Variants in CNBD1 observed in about 807,000 individuals in gnomAD.
CNBD1 encodes cyclic nucleotide binding domain containing 1.
CNBD1 carries 71 observed loss-of-function variants against 54.4 expected under a neutral mutation model. The observed-to-expected ratio is 1.30, with a 90% CI of 1.08 to 1.59. The LOEUF is 1.59. Among genes scored for constraint, CNBD1 ranks in the 40% most tolerant of loss-of-function variants. The probability of loss-of-function intolerance (pLI) is 0.00; values close to 1 mark genes in which losing one functional copy is unlikely to be tolerated. For synonymous variants in CNBD1, 182 were observed against 170.7 expected (o/e 1.07, Z -0.51); for missense variants, 659 against 518.0 (o/e 1.27, Z -2.64).
chr8:86,955,744 G>T (rs984156372), intron 4 of CNBD1, among the ~76,000 whole-genome samples: 1 of 152,158 alleles, frequency 6.6e-6, no homozygotes, highest in African/African-American at 2.4e-5. Flanking sequence ...TTTGTCAGAT[G>T]GGTAGTTTGT....
At chr8:87,044,430 G>T (rs899250281) in intron 4 of CNBD1, 2 of 152,052 alleles carry the variant, frequency 1.3e-5, no homozygotes, top group South Asian at 4.1e-4. Flanking sequence ...TCTCATGACC[G>T]AGAATATTAA....
intron 4 of CNBD1, among the ~76,000 whole-genome samples, chr8:87,105,164 G>A (rs1406329167): frequency 6.6e-6 from 1 of 151,904 alleles, no homozygotes; most frequent in Non-Finnish European, 1.5e-5. Flanking sequence ...ACAGGGTTTT[G>A]GCTATATCAA....
intron 2 of CNBD1, among the ~76,000 whole-genome samples, chr8:87,426,028 T>C (rs1586096314): frequency 6.6e-6 from 1 of 152,228 alleles, no homozygotes; most frequent in East Asian, 1.9e-4. Flanking sequence ...TGGTGCACCG[T>C]TTTTTAAGCC....
At chr8:86,933,755 T>C (rs980454860) in intron 3 of CNBD1, among the ~76,000 whole-genome samples, 1 of 152,132 alleles carries the variant, frequency 6.6e-6, no homozygotes, top group Non-Finnish European at 1.5e-5. Context: ...ATATTATGAA[T>C]ATTCTTTTTT....
chr8:87,394,344 C>G (rs1011052513), intron 2 of CNBD1, among the ~76,000 whole-genome samples: 9 of 151,910 alleles, frequency 5.9e-5, no homozygotes, highest in Non-Finnish European at 1.2e-4. Context: ...AATAGTTCAA[C>G]TTCACATATA....
intron 6 of CNBD1, among the ~76,000 whole-genome samples, chr8:87,255,986 TATATATATATATATATATATATATATATA>T (rs1475126236): frequency 9.4e-5 from 1 of 10,590 alleles, no homozygotes; most frequent in African/African-American, 4.4e-4. Flanking sequence ...TATATATATA[TATATATATATATATATATATATATATATA>T]TTTTTTTTTT....
chr8:87,352,882 G>T (rs189196160), intron 9 of CNBD1, among the ~76,000 whole-genome samples: 1 of 152,116 alleles, frequency 6.6e-6, no homozygotes, highest in Non-Finnish European at 1.5e-5. Flanking sequence ...AAATATTCAA[G>T]TTATATTGGA....
chr8:86,927,492 G>C (rs746158910), intron 3 of CNBD1, among the ~76,000 whole-genome samples: 7 of 152,112 alleles, frequency 4.6e-5, no homozygotes, highest in Admixed American at 3.9e-4. Context: ...ACTATGATCA[G>C]TTGGGGCTTG....
chr8:87,200,907 A>T (rs1305467855), intron 4 of CNBD1, among the ~76,000 whole-genome samples: 1 of 152,188 alleles, frequency 6.6e-6, no homozygotes, highest in Non-Finnish European at 1.5e-5. Flanking sequence ...CGTTCTATGA[A>T]GCTAGCCTGA....
At chr8:87,319,783 C>A (rs917155039) in intron 8 of CNBD1, among the ~76,000 whole-genome samples, 3 of 151,904 alleles carry the variant, frequency 2.0e-5, no homozygotes, top group Non-Finnish European at 2.9e-5. Context: ...TTTGAATTAA[C>A]CATTCAAAAA....
intron 4 of CNBD1, among the ~76,000 whole-genome samples, chr8:86,943,897 C>G (rs906110093): frequency 3.3e-5 from 5 of 152,024 alleles, no homozygotes; most frequent in African/African-American, 4.8e-5. Context: ...GATACAAACT[C>G]TAAGGCAACT....
intron 2 of CNBD1, among the ~76,000 whole-genome samples, chr8:86,902,070 A>G (rs1265120615): frequency 6.6e-6 from 1 of 152,188 alleles, no homozygotes; most frequent in African/African-American, 2.4e-5. Context: ...TTCCTTATCC[A>G]TAAAATGACA....
rs114555999 is a variant in CNBD1, at chr8:87,311,853, C to T, written c.1042+25182C>T. 6.8e-3 allele frequency among the ~76,000 whole-genome samples: 1,037 copies of T among 152,104 alleles called. 11 individuals carry two copies. The highest frequency in any genetic ancestry group is 0.024 in the African/African-American group (978 of 41,506). On this transcript the variant is annotated intron_variant, in intron 8 of 10. Transcript: ENST00000518476. ...TGCAAATTAACACAGGAACTGAAAC[C>T]AAATACTGCATGTTCTCACTTGTAA... is the stretch of plus-strand genomic sequence containing the variant.
At chr8:87,411,449 A>G (rs1486077145) in intron 2 of CNBD1, among the ~76,000 whole-genome samples, 4 of 120,424 alleles carry the variant, frequency 3.3e-5, no homozygotes, top group African/African-American at 1.3e-4. Flanking sequence ...ATATTTTTAA[A>G]AACTCATTCT....
intron 10 of CNBD1, among the ~76,000 whole-genome samples, chr8:87,373,580 T>C (rs752721259): frequency 6.6e-6 from 1 of 151,860 alleles, no homozygotes; most frequent in African/African-American, 2.4e-5. Flanking sequence ...TGTAAAGTTG[T>C]AGGTTGTATA....
intron 2 of CNBD1, among the ~76,000 whole-genome samples, chr8:87,391,694 G>A (rs181140398): frequency 3.1e-4 from 47 of 152,144 alleles, no homozygotes; most frequent in Admixed American, 1.4e-3. Flanking sequence ...TAAATGGGTC[G>A]TAGAGATCAT....
At chr8:86,954,836 C>T (rs1197546588) in intron 4 of CNBD1, among the ~76,000 whole-genome samples, 1 of 152,108 alleles carries the variant, frequency 6.6e-6, no homozygotes, top group East Asian at 1.9e-4. Flanking sequence ...CAATTTTCTT[C>T]TTTTTCTTTA....
intron 4 of CNBD1, among the ~76,000 whole-genome samples, chr8:87,036,498 G>T (rs921079102): frequency 1.3e-5 from 2 of 149,984 alleles, no homozygotes; most frequent in African/African-American, 4.9e-5. Flanking sequence ...GGAAGCTGAG[G>T]CAGGAGAATG....
At chr8:87,372,934 A>G (rs1203729206) in intron 10 of CNBD1, among the ~76,000 whole-genome samples, 1 of 151,814 alleles carries the variant, frequency 6.6e-6, no homozygotes, top group Non-Finnish European at 1.5e-5. Context: ...TTACCTAAGT[A>G]AACTCCTGTG....
Sources: allele counts gnomAD v4.1 joint callset (sites outside exome capture counted in the v4.1 genomes callset), GRCh38; gene constraint gnomAD v4.1.1; transcripts MANE v1.5; gene names NCBI Gene and HGNC (gene_info 2026-07-23, HGNC 2026-07-21).